Variants in PCDHA5 observed in about 807,000 individuals in gnomAD.
PCDHA5 encodes protocadherin alpha-5.
PCDHA5 carries 43 observed loss-of-function variants against 61.6 expected under a neutral mutation model. The observed-to-expected ratio is 0.70, with a 90% CI of 0.55 to 0.90. The LOEUF (loss-of-function observed/expected upper bound fraction) is 0.90. Among genes scored for constraint, PCDHA5 ranks in the 40% least tolerant of loss-of-function variants. PCDHA5 has a pLI of 0.00. For missense variants in PCDHA5, 1,298 were observed against 1,222.7 expected, an observed-to-expected ratio of 1.06 and a Z score of -0.92; for synonymous variants, 627 against 543.9, an observed-to-expected ratio of 1.15 and a Z score of -2.13.
At position 141,009,879 on chromosome 5, in the gene PCDHA5, A is replaced by G; in HGVS notation, c.2753A>G (p.Asn918Ser). Reference protein sequence around the residue: ...TKKKKKKKKGNKTQEKKEKGN... With the variant: ...TKKKKKKKKGSKTQEKKEKGN... ...AAAAAGAAGAAAAAGAAGAAGGGTA[A>G]CAAGACCCAGGAGAAAAAAGAGAAA... Residue 918 changes from asparagine (N) to serine (S), a missense_variant, in exon 4 of 4, where the codon AAC (asparagine) becomes AGC (serine). Asn to Ser is a conservative substitution (Grantham distance 46). Coordinates refer to ENST00000529859, the MANE Select transcript of PCDHA5 (RefSeq NM_018908.3). 12 of 1,613,884 alleles carry G rather than the reference A, an allele frequency of 7.4e-6. No individual in the cohort carries two copies. Among genetic ancestry groups the G allele is most frequent in the Non-Finnish European group, 1.0e-5 (12 of 1,179,984 alleles).
At chr5:140,830,534 A>G (rs2150187511) in intron 1 of PCDHA5, 2 of 1,251,108 alleles carry the variant, frequency 1.6e-6, no homozygotes, top group South Asian at 4.1e-5. Context: ...TAAATTTATA[A>G]TTGTTTTCCT....
intron 1 of PCDHA5, among the ~76,000 whole-genome samples, chr5:140,843,972 G>T (rs1779162813): frequency 6.7e-6 from 1 of 149,122 alleles, no homozygotes; most frequent in Non-Finnish European, 1.5e-5. Flanking sequence ...ATTTATTTTG[G>T]CCTGCCTTAC....
chr5:140,971,805 T>C (rs938421537), intron 1 of PCDHA5, among the ~76,000 whole-genome samples: 1 of 152,166 alleles, frequency 6.6e-6, no homozygotes, highest in Non-Finnish European at 1.5e-5. Flanking sequence ...AATATTATAA[T>C]ATTGAATACA....
chr5:140,892,237 A>G (rs1288947116), intron 1 of PCDHA5, among the ~76,000 whole-genome samples: 13 of 152,180 alleles, frequency 8.5e-5, no homozygotes, highest in Non-Finnish European at 7.4e-5. Context: ...TTGTCTCCAC[A>G]TAAACCTGGT....
At chr5:140,843,069 G>T in intron 1 of PCDHA5, 1 of 1,595,314 alleles carries the variant, frequency 6.3e-7, no homozygotes, top group South Asian at 1.1e-5. Flanking sequence ...CTGGTGCCGC[G>T]GTCTGTGGGC....
intron 1 of PCDHA5, chr5:140,835,550 G>A (rs2150238001): frequency 6.2e-7 from 1 of 1,613,928 alleles, no homozygotes; most frequent in South Asian, 1.1e-5. Context: ...CCTGCTCCCT[G>A]ACGCCCCGCG....
chr5:140,855,277 C>T (rs1581364290), intron 1 of PCDHA5, among the ~76,000 whole-genome samples: 2 of 149,744 alleles, frequency 1.3e-5, no homozygotes, highest in Middle Eastern at 3.4e-3. Context: ...ACTCAACCAC[C>T]GTATTACTAT....
intron 1 of PCDHA5, among the ~76,000 whole-genome samples, chr5:140,942,747 A>C (rs1291200302): frequency 6.6e-6 from 1 of 152,232 alleles, no homozygotes; most frequent in African/African-American, 2.4e-5. Flanking sequence ...AAAATCTTGT[A>C]TAAATGAGAT....
intron 1 of PCDHA5, among the ~76,000 whole-genome samples, chr5:140,845,454 C>T: frequency 6.7e-6 from 1 of 149,512 alleles, no homozygotes; most frequent in East Asian, 1.9e-4. Context: ...TTCTTCAACT[C>T]TCTGATATTT....
Position 141,010,329 on chromosome 5 carries a change from G to A in PCDHA5, c.*392G>A. The A allele has an allele frequency of 6.5e-7, 1 of 1,538,672 alleles. No individual in the cohort carries two copies. Among genetic ancestry groups the A allele is most frequent in the Non-Finnish European group, 8.8e-7 (1 of 1,142,532 alleles). On this transcript the variant is annotated 3_prime_UTR_variant, in exon 4 of 4. Transcript: ENST00000529859. ...AGTTTTGAGATTGAGCAGCTTGGGA[G>A]TTTGTGGCCACTGGGTATGTGTGGC...
intron 1 of PCDHA5, among the ~76,000 whole-genome samples, chr5:140,840,806 T>C (rs2150309377): frequency 1.9e-4 from 29 of 152,226 alleles, no homozygotes; most frequent in Non-Finnish European, 3.5e-4. Flanking sequence ...GAGTAATATA[T>C]ACCAGTGTTT....
intron 1 of PCDHA5, chr5:140,830,073 C>A (rs782807658): frequency 1.2e-6 from 2 of 1,613,470 alleles, no homozygotes; most frequent in African/African-American, 2.7e-5. Context: ...GCGCTGACAG[C>A]GACGGCCACG....
At chr5:140,991,205 A>C (rs1403144779) in intron 3 of PCDHA5, among the ~76,000 whole-genome samples, 3 of 152,226 alleles carry the variant, frequency 2.0e-5, no homozygotes, top group Admixed American at 2.0e-4. Context: ...TGCTCAATAA[A>C]TTTTGTTAAA....
rs371505360 is a variant in PCDHA5, at chr5:140,882,840, C to T, written c.2352+58713C>T. 3.2e-5 allele frequency: 51 copies of T among 1,614,214 alleles called. 1 individual carries two copies. The African/African-American group carries it at 5.6e-4, about 18-fold the overall frequency. ...CAAAACAGTCTTGAGCAAATGTCTTCATTATCACTTGTACTGAGGAAAACA... is the reference window on the plus strand; with the variant it reads ...CAAAACAGTCTTGAGCAAATGTCTTTATTATCACTTGTACTGAGGAAAACA... On this transcript the variant is annotated intron_variant, in intron 1 of 3. Transcript: ENST00000529859.
Position 140,842,704 on chromosome 5 carries a change from G to T in PCDHA5, c.2352+18577G>T, listed in dbSNP as rs151170990. 1.9e-4 allele frequency: 301 copies of T among 1,595,236 alleles called. 23 individuals are homozygous for T. In the African/African-American group the frequency reaches 3.7e-3, roughly 20 times the overall value. On this transcript the variant is annotated intron_variant, in intron 1 of 3. Transcript: ENST00000529859. ...CGGCGTTCGCGCAGCCCGAGTACAC[G>T]GTGTTCGTGAAGGAGAACAACCCGC...
At chr5:140,848,823 G>C in intron 1 of PCDHA5, 1 of 1,590,794 alleles carries the variant, frequency 6.3e-7, no homozygotes, top group South Asian at 1.1e-5. Context: ...GGAGGTGATC[G>C]TAGACAGGCC....
At chr5:141,005,018 T>C (rs2098193299) in intron 3 of PCDHA5, among the ~76,000 whole-genome samples, 1 of 152,250 alleles carries the variant, frequency 6.6e-6, no homozygotes, top group Non-Finnish European at 1.5e-5. Flanking sequence ...AGCTGCATTA[T>C]ATATAATTGC....
At chr5:140,840,399 T>A (rs1321013469) in intron 1 of PCDHA5, among the ~76,000 whole-genome samples, 1 of 151,988 alleles carries the variant, frequency 6.6e-6, no homozygotes, top group African/African-American at 2.4e-5. Context: ...GATATGGAGT[T>A]AAGAATACTT....
chr5:140,868,731 G>A (rs1002022928), intron 1 of PCDHA5: 2 of 192,996 alleles, frequency 1.0e-5, no homozygotes, highest in South Asian at 1.2e-4. Context: ...GATGTTAATC[G>A]AGAAATACAA....
Sources: gnomAD v4.1 joint callset for allele counts (sites outside exome capture counted in the v4.1 genomes callset) on GRCh38, gnomAD v4.1.1 for gene constraint, MANE v1.5 for transcripts, NCBI Gene and HGNC (gene_info 2026-07-23, HGNC 2026-07-21) for gene names.